The following NRG1 variants were observed in gnomAD, a reference collection of about 807,000 sequenced individuals.
The protein encoded by NRG1 is neuregulin 1.
In NRG1, 18 loss-of-function variants were observed where a neutral mutation model predicts 63.8. That is an observed-to-expected ratio of 0.28 (90% CI 0.19 to 0.42). The LOEUF (loss-of-function observed/expected upper bound fraction) is 0.42. NRG1 is among the 10% of genes least tolerant of loss of function. NRG1 has a pLI of 1.00. For missense variants in NRG1, 762 were observed against 814.7 expected (o/e 0.94, Z 0.79); for synonymous variants, 302 against 301.3 (o/e 1.00, Z -0.02).
At chr8:32,117,477 C>T (rs1832888610) in intron 1 of NRG1, among the ~76,000 whole-genome samples, 1 of 151,904 alleles carries the variant, frequency 6.6e-6, no homozygotes, top group Non-Finnish European at 1.5e-5. Context: ...GAAATGCCCC[C>T]CATTAACATA....
At chr8:32,220,185 A>T (rs565857347) in intron 1 of NRG1, among the ~76,000 whole-genome samples, 1 of 152,154 alleles carries the variant, frequency 6.6e-6, no homozygotes, top group Admixed American at 6.5e-5. Flanking sequence ...TTGCAGTGGG[A>T]CAAGTTGCTC....
chr8:32,727,847 A>G (rs1822592375), intron 5 of NRG1, 102 bp from the exon 6 acceptor site: 3 of 1,186,018 alleles, frequency 2.5e-6, no homozygotes, highest in Non-Finnish European at 3.6e-6. Context: ...TGAAATCTGT[A>G]CCTTATATGA....
At chr8:32,594,614 T>C (rs1843051345) in intron 1 of NRG1, among the ~76,000 whole-genome samples, 1 of 152,220 alleles carries the variant, frequency 6.6e-6, no homozygotes, top group Non-Finnish European at 1.5e-5. Flanking sequence ...ACCACCATAT[T>C]ATTTTGAAGC....
intron 1 of NRG1, among the ~76,000 whole-genome samples, chr8:32,137,043 A>G (rs978460422): frequency 9.2e-5 from 14 of 152,180 alleles, no homozygotes; most frequent in African/African-American, 3.4e-4. Flanking sequence ...TCGATTGTGA[A>G]TCAATAAACA....
At chr8:32,432,634 A>T (rs1818287445) in intron 1 of NRG1, among the ~76,000 whole-genome samples, 1 of 152,040 alleles carries the variant, frequency 6.6e-6, no homozygotes, top group African/African-American at 2.4e-5. Context: ...CTCAGGCTCC[A>T]GAGTAGCTGG....
chr8:32,140,905 A>G (rs192462962), intron 1 of NRG1, among the ~76,000 whole-genome samples: 49 of 151,944 alleles, frequency 3.2e-4, no homozygotes, highest in Non-Finnish European at 6.3e-4. Context: ...TCTGATTTGT[A>G]CTGTTGACCT....
At chr8:32,399,946 G>C (rs1290289575) in intron 1 of NRG1, among the ~76,000 whole-genome samples, 1 of 152,138 alleles carries the variant, frequency 6.6e-6, no homozygotes, top group African/African-American at 2.4e-5. Flanking sequence ...TGCAGACTTT[G>C]TTTTGCAGGA....
intron 1 of NRG1, among the ~76,000 whole-genome samples, chr8:32,397,289 T>C (rs958800603): frequency 6.6e-6 from 1 of 152,194 alleles, no homozygotes; most frequent in Non-Finnish European, 1.5e-5. Context: ...TCTGATTAAC[T>C]TTTAATCCTC....
At chr8:32,586,362 G>C (rs1841619851) in intron 1 of NRG1, among the ~76,000 whole-genome samples, 1 of 152,068 alleles carries the variant, frequency 6.6e-6, no homozygotes, top group Admixed American at 6.6e-5. Context: ...ATAGAAAAGA[G>C]AGATTGCTAA....
chr8:32,668,636 C>T lies in NRG1; in HGVS notation c.502+51751C>T, dbSNP rs373450934. On this transcript the variant is annotated intron_variant, in intron 5 of 11. Transcript: ENST00000356819. ...TCATATTTTAGCATAATTAATTATACCAACTATTAATTTAATATTTTGTTT... is the reference window on the plus strand; with the variant it reads ...TCATATTTTAGCATAATTAATTATATCAACTATTAATTTAATATTTTGTTT... Among the ~76,000 whole-genome samples the T allele has an allele frequency of 3.3e-4, 50 of 152,242 alleles. 1 individual carries two copies. Among genetic ancestry groups the T allele is most frequent in the African/African-American group, 1.2e-3 (50 of 41,550 alleles).
chr8:31,822,011 G>A (rs1015347414), intron 1 of NRG1, among the ~76,000 whole-genome samples: 7 of 152,126 alleles, frequency 4.6e-5, no homozygotes, highest in East Asian at 1.9e-4. Context: ...TGATCAGAGC[G>A]GAGCTTCATT....
chr8:32,155,194 C>G (rs1028899309), intron 1 of NRG1, among the ~76,000 whole-genome samples: 1 of 152,152 alleles, frequency 6.6e-6, no homozygotes, highest in African/African-American at 2.4e-5. Flanking sequence ...GACTAAGAGT[C>G]AAGACACCTG....
intron 1 of NRG1, among the ~76,000 whole-genome samples, chr8:32,493,428 G>A (rs1006093869): frequency 2.0e-5 from 3 of 152,096 alleles, no homozygotes. Context: ...TATATTTGTC[G>A]TTGAATTATT....
intron 1 of NRG1, among the ~76,000 whole-genome samples, chr8:32,268,943 G>A (rs74387256): frequency 0.012 from 1,805 of 152,228 alleles, 38 homozygotes; most frequent in African/African-American, 0.041. Flanking sequence ...CCCATTTAGT[G>A]AAATAATCTA....
chr8:32,143,868 A>T (rs1836567843), intron 1 of NRG1, among the ~76,000 whole-genome samples: 1 of 152,244 alleles, frequency 6.6e-6, no homozygotes, highest in Non-Finnish European at 1.5e-5. Flanking sequence ...TAGTTTGGTG[A>T]GAATTGCTGC....
chr8:31,677,696 G>T (rs1807870834), intron 1 of NRG1, among the ~76,000 whole-genome samples: 1 of 152,108 alleles, frequency 6.6e-6, no homozygotes, highest in Admixed American at 6.6e-5. Flanking sequence ...GCCAGTCCTT[G>T]GGCTATTTCT....
chr8:32,593,854 CAAAAAAAAAAAA>C (rs11444147), intron 1 of NRG1, among the ~76,000 whole-genome samples: 2 of 97,076 alleles, frequency 2.1e-5, no homozygotes, highest in South Asian at 3.5e-4. Context: ...TTCAAGGTGT[CAAAAAAAAAAAA>C]AAAAAAAAGA....
chr8:32,410,142 C>G (rs921883190), intron 1 of NRG1, among the ~76,000 whole-genome samples: 8 of 151,020 alleles, frequency 5.3e-5, no homozygotes, highest in Non-Finnish European at 7.4e-5. Context: ...GATTCACCCC[C>G]ATTCCTGCCC....
intron 1 of NRG1, among the ~76,000 whole-genome samples, chr8:32,284,564 T>C (rs1853299740): frequency 6.6e-6 from 1 of 151,486 alleles, no homozygotes; most frequent in African/African-American, 2.4e-5. Context: ...AGAATCTCGC[T>C]CTGTCACCCA....
Sources: gnomAD v4.1 joint callset for allele counts (sites outside exome capture counted in the v4.1 genomes callset) on GRCh38, gnomAD v4.1.1 for gene constraint, MANE v1.5 for transcripts, NCBI Gene and HGNC (gene_info 2026-07-23, HGNC 2026-07-21) for gene names.